Variants in GABRB2 observed in about 807,000 individuals in gnomAD.
The protein encoded by GABRB2 is gamma-aminobutyric acid type A receptor subunit beta2.
A neutral mutation model predicts 54.7 loss-of-function variants in GABRB2; 16 were observed. The ratio of observed to expected loss-of-function variants is 0.29; its 90% CI spans 0.20 to 0.44. GABRB2 has a LOEUF of 0.44. Among genes scored for constraint, GABRB2 ranks in the 20% least tolerant of loss-of-function variants. The probability of loss-of-function intolerance (pLI) is 1.00; values close to 1 mark genes in which losing one functional copy is unlikely to be tolerated. For synonymous variants in GABRB2, 244 were observed against 233.8 expected (o/e 1.04, Z -0.40); for missense variants, 355 against 644.0 (o/e 0.55, Z 4.86).
intron 9 of GABRB2, among the ~76,000 whole-genome samples, chr5:161,305,109 C>T (rs1260054758): frequency 6.7e-6 from 1 of 148,248 alleles, no homozygotes; most frequent in African/African-American, 2.5e-5. Flanking sequence ...CTCCGCTTCC[C>T]GGGTTCACGC....
intron 9 of GABRB2, among the ~76,000 whole-genome samples, chr5:161,300,204 C>T (rs998473058): frequency 4.6e-5 from 7 of 151,950 alleles, no homozygotes; most frequent in African/African-American, 1.5e-4. Flanking sequence ...GTAAACTACC[C>T]GTAAGTTTAT....
intron 3 of GABRB2, among the ~76,000 whole-genome samples, chr5:161,480,716 T>A (rs1220752457): frequency 6.6e-6 from 1 of 152,082 alleles, no homozygotes; most frequent in Non-Finnish European, 1.5e-5. Context: ...ATTTAAAACA[T>A]GTTTACCAGG....
chr5:161,434,893 T>C (rs1231377004), intron 4 of GABRB2, among the ~76,000 whole-genome samples: 3 of 152,180 alleles, frequency 2.0e-5, no homozygotes, highest in African/African-American at 7.2e-5. Flanking sequence ...ATCAGTCCAC[T>C]ATATCCACAC....
At chr5:161,378,160 T>C (rs1199805846) in intron 5 of GABRB2, among the ~76,000 whole-genome samples, 1 of 152,146 alleles carries the variant, frequency 6.6e-6, no homozygotes, top group Non-Finnish European at 1.5e-5. Flanking sequence ...CTTTGTGTCT[T>C]AACACAATTT....
intron 5 of GABRB2, among the ~76,000 whole-genome samples, chr5:161,360,125 G>A (rs550298865): frequency 6.6e-6 from 1 of 151,892 alleles, no homozygotes; most frequent in Non-Finnish European, 1.5e-5. Context: ...CATAGAGTAG[G>A]CTACTGAAAA....
chr5:161,454,048 A>T (rs78817974), intron 4 of GABRB2, among the ~76,000 whole-genome samples: 24,428 of 150,588 alleles, frequency 0.16, 2,040 homozygotes, highest in Middle Eastern at 0.19. Flanking sequence ...AAAAAAAAAA[A>T]GCACTATTCA....
chr5:161,380,569 CAG>C (rs148811612), intron 5 of GABRB2, among the ~76,000 whole-genome samples: 3,338 of 152,020 alleles, frequency 0.022, 141 homozygotes, highest in African/African-American at 0.076. Context: ...GCTTCCTGGG[CAG>C]AGTTTCAGGA....
At chr5:161,522,321 T>C (rs1760139328) in intron 3 of GABRB2, among the ~76,000 whole-genome samples, 1 of 151,750 alleles carries the variant, frequency 6.6e-6, no homozygotes, top group Admixed American at 6.6e-5. Flanking sequence ...GACATTACCA[T>C]ATAAAAAATA....
At chr5:161,320,026 T>C (rs1458566671) in intron 9 of GABRB2, among the ~76,000 whole-genome samples, 2 of 150,340 alleles carry the variant, frequency 1.3e-5, no homozygotes, top group African/African-American at 2.4e-5. Flanking sequence ...ACTGCTTTGG[T>C]ATATTCATAT....
chr5:161,451,544 G>T (rs1314709555), intron 4 of GABRB2, among the ~76,000 whole-genome samples: 1 of 151,988 alleles, frequency 6.6e-6, no homozygotes, highest in Non-Finnish European at 1.5e-5. Flanking sequence ...AAATAATTTT[G>T]CCTATTTCTC....
At chr5:161,525,448 C>T (rs776145809) in intron 3 of GABRB2, among the ~76,000 whole-genome samples, 4 of 151,144 alleles carry the variant, frequency 2.6e-5, no homozygotes, top group African/African-American at 4.8e-5. Flanking sequence ...ATTCTATTTA[C>T]GAAAGTATTT....
chr5:161,529,250 T>C (rs1239561956), intron 3 of GABRB2, among the ~76,000 whole-genome samples: 2 of 152,052 alleles, frequency 1.3e-5, no homozygotes, highest in African/African-American at 2.4e-5. Flanking sequence ...TGTGTACTTC[T>C]ACAATAGTAC....
chr5:161,447,816 C>T (rs1465068557), intron 4 of GABRB2, among the ~76,000 whole-genome samples: 1 of 152,162 alleles, frequency 6.6e-6, no homozygotes, highest in Non-Finnish European at 1.5e-5. Context: ...ATTTTTTAAT[C>T]TTCTACCTAT....
intron 4 of GABRB2, among the ~76,000 whole-genome samples, chr5:161,453,061 T>C (rs573512163): frequency 2.0e-5 from 3 of 152,350 alleles, no homozygotes; most frequent in East Asian, 3.9e-4. Context: ...AATGATCTAA[T>C]TGGGTCAATG....
At position 161,294,278 on chromosome 5, in the gene GABRB2, TG is replaced by T; in HGVS notation, c.1341del (p.Arg448GlyfsTer20). ...SSIQYRKAGL[P>X]RHSFGRNALE... ...AGAGCATTTCGGCCAAAACTATGCCTGGGCAACCCAGCTTTCCGATACTGGA... is the reference window on the plus strand; with the variant it reads ...AGAGCATTTCGGCCAAAACTATGCCTGGCAACCCAGCTTTCCGATACTGGA... On this transcript the variant is annotated frameshift_variant, in exon 10 of 10. Transcript: ENST00000393959. LOFTEE classifies it high-confidence loss of function. 1 of 1,614,148 alleles carries T rather than the reference TG, an allele frequency of 6.2e-7. No homozygotes were observed. Among genetic ancestry groups the T allele is most frequent in the Non-Finnish European group, 8.5e-7 (1 of 1,180,014 alleles).
At chr5:161,356,197 A>T (rs2113443504) in intron 5 of GABRB2, among the ~76,000 whole-genome samples, 1 of 152,296 alleles carries the variant, frequency 6.6e-6, no homozygotes, top group East Asian at 1.9e-4. Flanking sequence ...AGCAAATAGT[A>T]ACTTGAATAC....
intron 4 of GABRB2, among the ~76,000 whole-genome samples, chr5:161,455,183 C>G (rs1757913840): frequency 6.6e-6 from 1 of 152,150 alleles, no homozygotes; most frequent in Admixed American, 6.5e-5. Context: ...ACTTAGAGCT[C>G]TTGTGCACCA....
chr5:161,436,105 A>G (rs1679738149), intron 4 of GABRB2, among the ~76,000 whole-genome samples: 1 of 152,240 alleles, frequency 6.6e-6, no homozygotes, highest in Non-Finnish European at 1.5e-5. Context: ...GTGTGACTTT[A>G]GGAACATTGC....
At chr5:161,546,180 ATCAG>A in intron 2 of GABRB2, 138 bp downstream of exon 2, 3 of 667,672 alleles carry the variant, frequency 4.5e-6, no homozygotes, top group South Asian at 3.6e-5. Context: ...TTAAGTTTTG[ATCAG>A]TTTCTCAATA....
Sources: allele counts gnomAD v4.1 joint callset (sites outside exome capture counted in the v4.1 genomes callset), GRCh38; gene constraint gnomAD v4.1.1; transcripts MANE v1.5; gene names NCBI Gene and HGNC (gene_info 2026-07-23, HGNC 2026-07-21).